The following MYOF variants were observed in gnomAD, a reference collection of about 807,000 sequenced individuals.
The protein encoded by MYOF is myoferlin, also known as fer-1-like 3, myoferlin.
MYOF carries 244 observed loss-of-function variants against 284.2 expected under a neutral mutation model. The ratio of observed to expected loss-of-function variants is 0.86; its 90% CI spans 0.77 to 0.95. The LOEUF (loss-of-function observed/expected upper bound fraction) is 0.95, where lower values mean the gene tolerates loss of function less well. Among genes scored for constraint, MYOF ranks in the 40% least tolerant of loss-of-function variants. MYOF has a pLI of 0.00. For synonymous variants in MYOF, 904 were observed against 919.7 expected (o/e 0.98, Z 0.31); for missense variants, 2,496 against 2,560.6 (o/e 0.97, Z 0.54).
chr10:93,378,304 C>A (rs1845935107), intron 21 of MYOF, among the ~76,000 whole-genome samples: 2 of 152,086 alleles, frequency 1.3e-5, no homozygotes, highest in African/African-American at 4.8e-5. Flanking sequence ...ATAAGAAGAA[C>A]CAGGATGAAA....
At chr10:93,368,870 G>A (rs893437446) in intron 25 of MYOF, among the ~76,000 whole-genome samples, 2 of 151,976 alleles carry the variant, frequency 1.3e-5, no homozygotes, top group African/African-American at 2.4e-5. Context: ...TCTGTAGAGT[G>A]GTGTTCATCT....
At position 93,366,443 on chromosome 10, in the gene MYOF, G is replaced by A. The variant is rs1483934996; in HGVS notation, c.2702C>T (p.Pro901Leu). 7.4e-6 allele frequency: 12 copies of A among 1,613,854 alleles called. No homozygotes were observed. Among genetic ancestry groups the A allele is most frequent in the Admixed American group, 6.7e-5 (4 of 59,992 alleles). ...KIKLKREFFL[P>L]PKGWEWEGEW... Reference sequence around the variant, plus strand: ...TCCTTCCCATTCCCAGCCTTTTGGAGGCAGAAAAAATTCCCTCTTGAGTTT... The same window carrying A: ...TCCTTCCCATTCCCAGCCTTTTGGAAGCAGAAAAAATTCCCTCTTGAGTTT... The change falls in exon 26 of 54, where the codon CCT becomes CTT. Residue 901 changes from proline to leucine, a missense_variant. By Grantham distance (98) the Pro-to-Leu change is moderately conservative (BLOSUM62 -3). Transcript: ENST00000359263.
Position 93,404,059 on chromosome 10 carries a change from G to A in MYOF, c.807C>T (p.His269=), listed in dbSNP as rs1268052173. The part of the protein sequence containing the change: ...EIISIRVYNS[H]SLRADCLMGE... Reference sequence around the variant, plus strand: ...CCATCAGACAATCTGCCCGCAGAGAGTGAGAATTATAAACCTGGAAGAAAG... The same window carrying A: ...CCATCAGACAATCTGCCCGCAGAGAATGAGAATTATAAACCTGGAAGAAAG... Residue 269 remains histidine (H), a synonymous_variant, in exon 9 of 54, where the codon CAC becomes CAT. Transcript: ENST00000359263. 2 of 1,614,050 alleles carry A rather than the reference G, an allele frequency of 1.2e-6. No homozygotes were observed. Among genetic ancestry groups the A allele is most frequent in the African/African-American group, 1.3e-5 (1 of 74,934 alleles).
At chr10:93,310,740 C>A in intron 51 of MYOF, 97 bp from the exon 52 acceptor site, 1 of 1,132,112 alleles carries the variant, frequency 8.8e-7, no homozygotes, top group South Asian at 1.5e-5. Context: ...GATTTTTATT[C>A]TTGTAAAACA....
chr10:93,344,075 C>CTCTATT, intron 37 of MYOF, 143 bp from the exon 38 acceptor site: 1 of 772,400 alleles, frequency 1.3e-6, no homozygotes. Context: ...GAGGACAACT[C>CTCTATT]CTGAATGTAG....
Position 93,328,789 on chromosome 10 carries a change from C to T in MYOF, c.5105G>A (p.Gly1702Glu), listed in dbSNP as rs773417822. 3.9e-5 allele frequency: 63 copies of T among 1,612,982 alleles called. No homozygotes were observed. The highest frequency in any genetic ancestry group is 1.7e-5 in the Admixed American group (1 of 59,988). The change falls in exon 45 of 54, where the codon GGA becomes GAA. Residue 1702 changes from glycine to glutamate, a missense_variant. This residue lies in a region of MYOF where 2,436 missense variants were observed against 2,480.7 expected (regional missense o/e 0.98). Coordinates refer to ENST00000359263, the MANE Select transcript of MYOF (RefSeq NM_013451.4). ...SEDGSRIRYGGRDYSLDEFEA... is the reference protein window; with the variant it reads ...SEDGSRIRYGERDYSLDEFEA... ...AAATTCATCCAAGCTGTAGTCTCGT[C>T]CTCCATATCTGATTCTACTCCCATC...
At chr10:93,307,193 C>A (rs962540634) in intron 53 of MYOF, among the ~76,000 whole-genome samples, 192 bp from the exon 54 acceptor site, 1 of 120,212 alleles carries the variant, frequency 8.3e-6, no homozygotes, top group Non-Finnish European at 2.0e-5. Context: ...GTAGCACCCC[C>A]CCGCCAAGTT....
At chr10:93,376,027 A>G (rs1300604273) in intron 22 of MYOF, among the ~76,000 whole-genome samples, 2 of 152,224 alleles carry the variant, frequency 1.3e-5, no homozygotes, top group Admixed American at 6.5e-5. Context: ...AGCTTCTTCA[A>G]TGAAGAAAAT....
At chr10:93,421,038 C>T (rs767330763) in intron 5 of MYOF, among the ~76,000 whole-genome samples, 1 of 151,854 alleles carries the variant, frequency 6.6e-6, no homozygotes, top group Non-Finnish European at 1.5e-5. Flanking sequence ...GGCAACATGG[C>T]AAAACCCTGT....
At chr10:93,353,590 A>G (rs534644302) in intron 32 of MYOF, among the ~76,000 whole-genome samples, 1 of 152,326 alleles carries the variant, frequency 6.6e-6, no homozygotes, top group South Asian at 2.1e-4. Context: ...TATTAGTACC[A>G]AAAGTATCTT....
Position 93,426,072 on chromosome 10 carries a change from T to A in MYOF, c.432A>T (p.Gly144=), listed in dbSNP as rs920630339. 2 of 1,553,572 alleles carry A rather than the reference T, an allele frequency of 1.3e-6. No individual in the cohort carries two copies. Among genetic ancestry groups the A allele is most frequent in the South Asian group, 1.2e-5 (1 of 84,194 alleles). The change falls in exon 5 of 54, where the codon GGA becomes GGT. Residue 144 remains glycine, a splice_region_variant and synonymous_variant. Coordinates refer to ENST00000359263, the MANE Select transcript of MYOF (RefSeq NM_013451.4). ...GGGCCTTCAGAAGGGTCAGCTTACC[T>A]CCCATGCCTGGCACGCTGGGCCCGC... ...DLSGPSVPGM[G]GDGEEDEGDE... is the part of the protein sequence containing the mutation.
intron 3 of MYOF, among the ~76,000 whole-genome samples, chr10:93,440,085 C>A (rs2056196562): frequency 6.6e-6 from 1 of 152,162 alleles, no homozygotes; most frequent in Non-Finnish European, 1.5e-5. Flanking sequence ...TTAGTGGAAT[C>A]TGAATGAAGT....
intron 48 of MYOF, among the ~76,000 whole-genome samples, chr10:93,322,681 T>C (rs982857207): frequency 2.0e-5 from 3 of 152,186 alleles, no homozygotes; most frequent in Admixed American, 6.5e-5. Context: ...GGTAATAAAA[T>C]ATGTAGAAAA....
intron 41 of MYOF, among the ~76,000 whole-genome samples, 155 bp downstream of exon 41, chr10:93,335,766 C>A (rs1189314145): frequency 6.6e-6 from 1 of 151,794 alleles, no homozygotes; most frequent in East Asian, 1.9e-4. Flanking sequence ...TACCTAGACC[C>A]TGGTTGTCCT....
chr10:93,380,454 A>T (rs1846061016), intron 20 of MYOF, among the ~76,000 whole-genome samples: 1 of 152,338 alleles, frequency 6.6e-6, no homozygotes, highest in South Asian at 2.1e-4. Flanking sequence ...TACTGTGATT[A>T]AGAATTATTA....
chr10:93,372,151 C>T (rs192896755), intron 24 of MYOF, among the ~76,000 whole-genome samples: 1 of 152,300 alleles, frequency 6.6e-6, no homozygotes, highest in East Asian at 1.9e-4. Context: ...TGCTTTTTCT[C>T]TTCTTAATTG....
intron 7 of MYOF, 80 bp from the exon 8 acceptor site, chr10:93,404,299 C>T: frequency 6.8e-7 from 1 of 1,463,344 alleles, no homozygotes; most frequent in Non-Finnish European, 9.4e-7. Context: ...ATTTTGGGGG[C>T]CCTCCTAAAA....
Position 93,366,571 on chromosome 10 carries a change from TA to T in MYOF, c.2590-17del. On this transcript the variant is annotated splice_polypyrimidine_tract_variant and intron_variant, in intron 25 of 53. Coordinates refer to ENST00000359263, the MANE Select transcript of MYOF (RefSeq NM_013451.4). ...GATTTTCATACTATTAAAAAAGAGA[TA>T]AAATTGGAGAAACACCATCAGAGAG... 6.3e-7 allele frequency: 1 copy of T among 1,581,406 alleles called. No homozygotes were observed.
intron 5 of MYOF, among the ~76,000 whole-genome samples, chr10:93,415,214 C>T (rs1214324877): frequency 6.6e-6 from 1 of 152,162 alleles, no homozygotes; most frequent in African/African-American, 2.4e-5. Flanking sequence ...CACCCCACTG[C>T]ATGCCCCTCG....
Sources: gnomAD v4.1 joint callset for allele counts (sites outside exome capture counted in the v4.1 genomes callset) on GRCh38, gnomAD v4.1.1 for gene constraint, gnomAD v4.1.1 regional missense constraint, MANE v1.5 for transcripts, NCBI Gene and HGNC (gene_info 2026-07-23, HGNC 2026-07-21) for gene names.